RALGPS1: variants seen among roughly 807,000 people sequenced by gnomAD.
The protein encoded by RALGPS1 is Ral GEF with PH domain and SH3 binding motif 1, also known as ras-specific guanine nucleotide-releasing factor RalGPS1.
A neutral mutation model predicts 78.8 loss-of-function variants in RALGPS1; 19 were observed. The ratio of observed to expected loss-of-function variants is 0.24; its 90% CI spans 0.17 to 0.35. The LOEUF is 0.35. Ranked by LOEUF, RALGPS1 falls within the 10% of genes least tolerant of loss-of-function variation. The pLI is 1.00. For synonymous variants in RALGPS1, 228 were observed against 256.3 expected (o/e 0.89, Z 1.06); for missense variants, 454 against 688.3 (o/e 0.66, Z 3.81).
chr9:127,213,340 TAGTA>T (rs1157043535), intron 17 of RALGPS1, among the ~76,000 whole-genome samples: 1 of 152,142 alleles, frequency 6.6e-6, no homozygotes, highest in African/African-American at 2.4e-5. Context: ...TTGGAATAAA[TAGTA>T]AGGCTGGATG....
chr9:127,121,120 G>T (rs2056038927), intron 8 of RALGPS1, among the ~76,000 whole-genome samples: 1 of 152,122 alleles, frequency 6.6e-6, no homozygotes, highest in African/African-American at 2.4e-5. Context: ...TATAAAACAG[G>T]GATGAATAAT....
chr9:127,180,861 T>C (rs1185321487), intron 11 of RALGPS1, among the ~76,000 whole-genome samples: 1 of 152,212 alleles, frequency 6.6e-6, no homozygotes, highest in Non-Finnish European at 1.5e-5. Flanking sequence ...ACTCACATGC[T>C]CAGTGCTTGC....
chr9:127,037,737 C>T lies in RALGPS1; in HGVS notation c.300+3223C>T, dbSNP rs148279495. Among the ~76,000 whole-genome samples, 121 of 152,358 alleles carry T rather than the reference C, an allele frequency of 7.9e-4. 1 individual carries two copies. The highest frequency in any genetic ancestry group is 1.4e-3 in the Non-Finnish European group (93 of 68,034). On this transcript the variant is annotated intron_variant, in intron 5 of 18. Coordinates refer to ENST00000259351, the MANE Select transcript of RALGPS1 (RefSeq NM_014636.3). The stretch of plus-strand genomic sequence containing the variant: ...CCGAGGGCAACCTCAGGAGAAAAGA[C>T]CTGCTGCTTTTTCAGTAGCTCTATC...
intron 8 of RALGPS1, among the ~76,000 whole-genome samples, chr9:127,117,901 T>C (rs2055603861): frequency 6.6e-6 from 1 of 152,202 alleles, no homozygotes; most frequent in Non-Finnish European, 1.5e-5. Flanking sequence ...CATTCTGGGC[T>C]TTTCCTTGGT....
chr9:127,166,121 C>T lies in RALGPS1; in HGVS notation c.663C>T (p.Gly221=). The stretch of plus-strand genomic sequence containing the variant: ...TTGATTCTGCATATCCTGCCTCAGG[C>T]AGTATCATGGAAAATGAACAAAGAT... ...IYIDSAYPAS[G]SIMENEQRSN... is the part of the protein sequence containing the mutation. The change falls in exon 9 of 19, where the codon GGC becomes GGT. Residue 221 remains glycine (G), a synonymous_variant. Coordinates refer to ENST00000259351, the MANE Select transcript of RALGPS1 (RefSeq NM_014636.3). 2 of 1,613,152 alleles carry T rather than the reference C, an allele frequency of 1.2e-6. No homozygotes were observed. Among genetic ancestry groups the T allele is most frequent in the Non-Finnish European group, 1.7e-6 (2 of 1,179,816 alleles).
intron 8 of RALGPS1, among the ~76,000 whole-genome samples, chr9:127,109,400 G>A (rs533262735): frequency 6.6e-6 from 1 of 152,336 alleles, no homozygotes; most frequent in East Asian, 1.9e-4. Flanking sequence ...GACATGTTAT[G>A]GAATACATTC....
intron 8 of RALGPS1, chr9:127,088,035 A>G (rs963692792): frequency 6.6e-6 from 1 of 152,622 alleles, no homozygotes; most frequent in African/African-American, 2.4e-5. Flanking sequence ...CCTACTCAGA[A>G]GCTGAGGAAT....
intron 8 of RALGPS1, among the ~76,000 whole-genome samples, chr9:127,082,151 A>G (rs1302821892): frequency 1.3e-5 from 2 of 152,210 alleles, no homozygotes; most frequent in Non-Finnish European, 2.9e-5. Context: ...CAGTTACCAG[A>G]TAATGAGGAC....
intron 4 of RALGPS1, among the ~76,000 whole-genome samples, chr9:127,024,333 T>C (rs567526280): frequency 6.6e-6 from 1 of 151,668 alleles, no homozygotes; most frequent in South Asian, 2.1e-4. Flanking sequence ...CTCTTTAAAC[T>C]GTTTTTTCTG....
chr9:127,088,018 A>C (rs2051977939), intron 8 of RALGPS1: 1 of 152,536 alleles, frequency 6.6e-6, no homozygotes, highest in African/African-American at 2.4e-5. Flanking sequence ...TGGAGCCCGG[A>C]GTGTTTCCTA....
chr9:127,022,878 T>C (rs73589121), intron 4 of RALGPS1, among the ~76,000 whole-genome samples: 2,851 of 152,296 alleles, frequency 0.019, 98 homozygotes, highest in African/African-American at 0.065. Flanking sequence ...ATCTGACTTA[T>C]TATGATTTCT....
intron 1 of RALGPS1, among the ~76,000 whole-genome samples, chr9:126,934,047 C>T (rs942193867): frequency 2.6e-5 from 4 of 152,110 alleles, no homozygotes; most frequent in Non-Finnish European, 4.4e-5. Context: ...TTTACCACAG[C>T]GTGTATCCAA....
intron 4 of RALGPS1, among the ~76,000 whole-genome samples, chr9:126,982,506 C>A (rs1226236807): frequency 6.6e-6 from 1 of 152,196 alleles, no homozygotes; most frequent in African/African-American, 2.4e-5. Context: ...CCTATTAAAA[C>A]AACAACCACC....
chr9:126,948,656 T>C (rs1447443853), intron 1 of RALGPS1, among the ~76,000 whole-genome samples: 1 of 152,194 alleles, frequency 6.6e-6, no homozygotes, highest in African/African-American at 2.4e-5. Flanking sequence ...AGCTTCAGCA[T>C]ACAGAGCCTG....
intron 8 of RALGPS1, among the ~76,000 whole-genome samples, chr9:127,158,606 A>T (rs533066278): frequency 5.5e-4 from 83 of 152,024 alleles, no homozygotes; most frequent in Admixed American, 2.0e-3. Context: ...TTTATTTATC[A>T]CTTTGCTAGA....
At chr9:127,041,516 C>T (rs1457552007) in intron 5 of RALGPS1, among the ~76,000 whole-genome samples, 3 of 152,188 alleles carry the variant, frequency 2.0e-5, no homozygotes, top group Admixed American at 2.0e-4. Context: ...ATATTGTCAG[C>T]TATTTTGTGT....
intron 2 of RALGPS1, among the ~76,000 whole-genome samples, chr9:126,964,534 A>G (rs1200508236): frequency 6.6e-6 from 1 of 150,862 alleles, no homozygotes; most frequent in Non-Finnish European, 1.5e-5. Context: ...TACAGATGAT[A>G]ACTGAGACTC....
intron 1 of RALGPS1, among the ~76,000 whole-genome samples, chr9:126,915,265 C>T (rs2033998997): frequency 1.2e-5 from 1 of 80,178 alleles, no homozygotes; most frequent in Non-Finnish European, 2.4e-5. Context: ...GGAAGAGGCG[C>T]GGGCGCGGGG....
In RALGPS1 at chr9:126,952,650, A is replaced by AGTGTGTGTGTGTGTGT. The variant is rs1486310137; in HGVS notation, c.-65-9574_-65-9573insTGTGTGTGTGTGTGTG. 3.7e-3 allele frequency among the ~76,000 whole-genome samples: 261 copies of AGTGTGTGTGTGTGTGT among 71,014 alleles called. 2 individuals are homozygous for AGTGTGTGTGTGTGTGT. Among genetic ancestry groups the AGTGTGTGTGTGTGTGT allele is most frequent in the Non-Finnish European group, 2.5e-3 (57 of 22,488 alleles). The allele number at this position is 71,014 out of a possible 152,430, so 46.6% of individuals were successfully genotyped here. On this transcript the variant is annotated intron_variant, in intron 1 of 18. Coordinates refer to ENST00000259351, the MANE Select transcript of RALGPS1 (RefSeq NM_014636.3). The stretch of plus-strand genomic sequence containing the variant: ...GGCTGAGAGAGAGAGAGAGAGAGAG[A>AGTGTGTGTGTGTGTGT]GAGAGAGTGTGTGTGTGTGTGTGTG...
Sources: allele counts gnomAD v4.1 joint callset (sites outside exome capture counted in the v4.1 genomes callset), GRCh38; gene constraint gnomAD v4.1.1; transcripts MANE v1.5; gene names NCBI Gene and HGNC (gene_info 2026-07-23, HGNC 2026-07-21).